Variants in LCK observed in about 807,000 individuals in gnomAD.
LCK encodes the protein tyrosine-protein kinase Lck.
Under a neutral mutation model 64.6 loss-of-function variants are expected in LCK, and 14 were observed. The observed-to-expected ratio is 0.22, with a 90% CI of 0.14 to 0.34. The LOEUF is 0.34. Among genes scored for constraint, LCK ranks in the 10% least tolerant of loss-of-function variants. The pLI is 1.00. For synonymous variants in LCK, 277 were observed against 263.6 expected (o/e 1.05, Z -0.49); for missense variants, 434 against 668.1 (o/e 0.65, Z 3.86).
rs1341466627 is a variant in LCK at position 32,275,429 on chromosome 1, G to C, written c.377+10G>C. The C allele has an allele frequency of 6.2e-7, 1 of 1,613,482 alleles. No individual in the cohort carries two copies. The highest frequency in any genetic ancestry group is 8.5e-7 in the Non-Finnish European group (1 of 1,179,630). On this transcript the variant is annotated intron_variant, in intron 5 of 12. Coordinates refer to ENST00000336890, the MANE Select transcript of LCK (RefSeq NM_005356.5). The surrounding 1 kb of genome is among the most constrained non-coding windows in gnomAD (Gnocchi z 6.9). The stretch of plus-strand genomic sequence containing the variant: ...GCCTGGAGCCCGAACCGTAAGTGGG[G>C]ACCCGTCGTGGGGGTGGGTAGGAGC...
chr1:32,254,193 G>A (rs1639575012), intron 1 of LCK, among the ~76,000 whole-genome samples: 1 of 152,070 alleles, frequency 6.6e-6, no homozygotes, highest in Non-Finnish European at 1.5e-5. Context: ...ACTGCACTCT[G>A]GCCTGGGTGA....
chr1:32,277,987 G>C (rs1052944186), intron 9 of LCK, among the ~76,000 whole-genome samples: 2 of 152,158 alleles, frequency 1.3e-5, no homozygotes, highest in Non-Finnish European at 2.9e-5. Flanking sequence ...ACCAGTCTGT[G>C]CAACATAGCG....
At chr1:32,265,473 A>T (rs670025) in intron 1 of LCK, among the ~76,000 whole-genome samples, 77,607 of 152,112 alleles carry the variant, frequency 0.51, 23,262 homozygotes, top group African/African-American at 0.83. Flanking sequence ...GAGGGCAGGA[A>T]CTGCCACCTG....
At position 32,274,321 on chromosome 1, in the gene LCK, T is replaced by C. The variant is rs566487811; in HGVS notation, c.-5-4T>C. On this transcript the variant is annotated splice_region_variant and splice_polypyrimidine_tract_variant and intron_variant, in intron 1 of 12. Transcript: ENST00000336890. ...CCCTTCAGCCCCCTCTTCCATTCCC[T>C]CAGGGACCATGGGCTGTGGCTGCAG... 2 of 1,614,078 alleles carry C rather than the reference T, an allele frequency of 1.2e-6. No individual in the cohort carries two copies. The highest frequency in any genetic ancestry group is 2.7e-5 in the African/African-American group (2 of 75,050).
At chr1:32,277,924 C>T (rs1395111429) in intron 9 of LCK, among the ~76,000 whole-genome samples, 3 of 152,202 alleles carry the variant, frequency 2.0e-5, no homozygotes, top group African/African-American at 4.8e-5. Flanking sequence ...GCCTATAACT[C>T]CAGCACTTTG....
chr1:32,279,592 G>A, intron 9 of LCK, 79 bp from the exon 10 acceptor site: 1 of 1,610,350 alleles, frequency 6.2e-7, no homozygotes, highest in Non-Finnish European at 8.5e-7. Flanking sequence ...CACACTTCTA[G>A]ACTCCCAGTT....
rs1377189831 is a variant in LCK, at chr1:32,276,591, C to T, written c.785-16C>T. On this transcript the variant is annotated splice_polypyrimidine_tract_variant and intron_variant, in intron 8 of 12. Coordinates refer to ENST00000336890, the MANE Select transcript of LCK (RefSeq NM_005356.5). The surrounding 1 kb of genome is among the most constrained non-coding windows in gnomAD (Gnocchi z 4.6). The stretch of plus-strand genomic sequence containing the variant: ...CTGCCTGGCGACTTTCCCACTCCTT[C>T]CCTTCCCCGACCCAGGGTACTACAA... The T allele has an allele frequency of 6.3e-7, 1 of 1,595,836 alleles. No individual in the cohort carries two copies. Among genetic ancestry groups the T allele is most frequent in the African/African-American group, 1.3e-5 (1 of 74,614 alleles).
rs762330714 is a variant in LCK, at chr1:32,274,297, C to T, written c.-5-28C>T. The T allele has an allele frequency of 6.8e-6, 11 of 1,613,850 alleles. No individual in the cohort carries two copies. The South Asian group carries it at 1.2e-4, about 18-fold the overall frequency. On this transcript the variant is annotated intron_variant, in intron 1 of 12. Transcript: ENST00000336890. ...TGGGGGAGCAGATCTTGGGGGAGCC[C>T]CTTCAGCCCCCTCTTCCATTCCCTC...
intron 12 of LCK, among the ~76,000 whole-genome samples, chr1:32,284,781 CCCAAGGTTCCACAA>C (rs1640565720): frequency 6.6e-6 from 1 of 152,200 alleles, no homozygotes; most frequent in Non-Finnish European, 1.5e-5. Flanking sequence ...ACTGGGCTCG[CCCAAGGTTCCACAA>C]CTAACATGTG....
rs1302547477 is a variant in LCK, at chr1:32,274,123, T to C, written c.-5-202T>C. 9 of 1,173,456 alleles carry C rather than the reference T, an allele frequency of 7.7e-6. No individual in the cohort carries two copies. The East Asian group carries it at 7.9e-5, about 10-fold the overall frequency. 72.7% of individuals were successfully genotyped at this position (1,173,456 alleles called of 1,614,324 possible). Reference sequence around the variant, plus strand: ...GCTCAGGGGCCGTGTGTGAATTTACTTGTAGCCTGAGGGCTCAGAGGGAGC... The same window carrying C: ...GCTCAGGGGCCGTGTGTGAATTTACCTGTAGCCTGAGGGCTCAGAGGGAGC... On this transcript the variant is annotated intron_variant, in intron 1 of 12. Transcript: ENST00000336890.
Position 32,285,663 on chromosome 1 carries a change from G to T in LCK, c.1477G>T (p.Val493Leu), listed in dbSNP as rs1420050153. ...DRPTFDYLRS[V>L]LEDFFTATEG... ...GCCCACCTTTGACTACCTGCGCAGT[G>T]TGCTGGAGGACTTCTTCACGGCCAC... The change falls in exon 13 of 13, where the codon GTG (valine) becomes TTG (leucine). Residue 493 changes from valine (V) to leucine (L), a missense_variant. Coordinates refer to ENST00000336890, the MANE Select transcript of LCK (RefSeq NM_005356.5). 1.2e-6 allele frequency: 2 copies of T among 1,613,718 alleles called. No homozygotes were observed. The highest frequency in any genetic ancestry group is 1.7e-6 in the Non-Finnish European group (2 of 1,179,884).
At chr1:32,260,592 T>C (rs1180925312) in intron 1 of LCK, among the ~76,000 whole-genome samples, 2 of 152,248 alleles carry the variant, frequency 1.3e-5, no homozygotes, top group South Asian at 2.1e-4. Flanking sequence ...AAAGGAAGTA[T>C]AGTCTTGTCT....
intron 1 of LCK, among the ~76,000 whole-genome samples, chr1:32,270,386 G>A (rs1187889362): frequency 6.6e-6 from 1 of 151,068 alleles, no homozygotes; most frequent in Non-Finnish European, 1.5e-5. Flanking sequence ...TTACAAGCAT[G>A]AGCCACCGTG....
At chr1:32,269,750 G>GA (rs1406325197) in intron 1 of LCK, among the ~76,000 whole-genome samples, 1 of 151,536 alleles carries the variant, frequency 6.6e-6, no homozygotes, top group African/African-American at 2.4e-5. Flanking sequence ...ATTAAAAAAA[G>GA]AAAAAAGAAA....
At chr1:32,274,926 C>T in intron 3 of LCK, 67 bp from the exon 4 acceptor site, 3 of 1,614,134 alleles carry the variant, frequency 1.9e-6, no homozygotes, top group Non-Finnish European at 2.5e-6. Flanking sequence ...CCTTGTCCCC[C>T]ACCCTGTAAC....
intron 1 of LCK, among the ~76,000 whole-genome samples, chr1:32,269,049 C>A (rs1249138631): frequency 1.4e-5 from 2 of 147,490 alleles, no homozygotes; most frequent in Non-Finnish European, 3.0e-5. Context: ...GGAGGAGAGA[C>A]AGAGCTTGCA....
intron 9 of LCK, among the ~76,000 whole-genome samples, chr1:32,279,329 A>G (rs1640378980): frequency 1.3e-5 from 2 of 152,156 alleles, no homozygotes; most frequent in African/African-American, 4.8e-5. Context: ...GGATCTCAAA[A>G]TTGCTAAACT....
intron 1 of LCK, among the ~76,000 whole-genome samples, chr1:32,265,080 G>T (rs1220273223): frequency 6.6e-6 from 1 of 152,118 alleles, no homozygotes; most frequent in African/African-American, 2.4e-5. Flanking sequence ...GGCGGCACGT[G>T]CCTGTAATCC....
intron 1 of LCK, among the ~76,000 whole-genome samples, chr1:32,252,762 GAGA>G (rs1049653611): frequency 6.6e-6 from 1 of 152,238 alleles, no homozygotes; most frequent in African/African-American, 2.4e-5. Context: ...CAGAGGAGGG[GAGA>G]AGGTGTCTCT....
Sources: gnomAD v4.1 joint callset for allele counts (sites outside exome capture counted in the v4.1 genomes callset) on GRCh38, gnomAD v4.1.1 for gene constraint, Gnocchi (gnomAD v3.1) non-coding constraint, MANE v1.5 for transcripts, NCBI Gene and HGNC (gene_info 2026-07-23, HGNC 2026-07-21) for gene names.